The following DNAI3 variants were observed in gnomAD, a reference collection of about 807,000 sequenced individuals.
DNAI3 encodes dynein axonemal intermediate chain 3.
In DNAI3, 83 loss-of-function variants were observed where a neutral mutation model predicts 115.5. That is an observed-to-expected ratio of 0.72 (90% CI 0.60 to 0.86). The LOEUF (loss-of-function observed/expected upper bound fraction) is 0.86, where lower values mean the gene tolerates loss of function less well. Ranked by LOEUF, DNAI3 falls within the 40% of genes least tolerant of loss-of-function variation. DNAI3 has a pLI of 0.00. For missense variants in DNAI3, 1,004 were observed against 1,075.8 expected, an observed-to-expected ratio of 0.93 and a Z score of 0.93; for synonymous variants, 320 against 347.0, an observed-to-expected ratio of 0.92 and a Z score of 0.86.
At chr1:85,069,455 C>T (rs1175617599) in intron 1 of DNAI3, among the ~76,000 whole-genome samples, 2 of 152,156 alleles carry the variant, frequency 1.3e-5, no homozygotes, top group South Asian at 2.1e-4. Flanking sequence ...ATTTTGTTCA[C>T]TGCTGTATCC....
intron 13 of DNAI3, among the ~76,000 whole-genome samples, chr1:85,100,784 T>C (rs1655276905): frequency 6.6e-6 from 1 of 152,234 alleles, no homozygotes; most frequent in African/African-American, 2.4e-5. Context: ...CATGGAATAC[T>C]ATGCAGGCAT....
intron 11 of DNAI3, among the ~76,000 whole-genome samples, 163 bp from the exon 12 acceptor site, chr1:85,097,406 T>C (rs924619728): frequency 6.6e-6 from 1 of 152,234 alleles, no homozygotes; most frequent in Admixed American, 6.5e-5. Context: ...ACATTCTTTT[T>C]ATATTAGCTT....
intron 3 of DNAI3, among the ~76,000 whole-genome samples, chr1:85,078,950 T>A (rs1654545302): frequency 6.6e-6 from 1 of 152,230 alleles, no homozygotes; most frequent in South Asian, 2.1e-4. Context: ...ATTCGAAGTG[T>A]GTGTTTAGTA....
At position 85,085,919 on chromosome 1, in the gene DNAI3, A is replaced by G. The variant is rs1252591975; in HGVS notation, c.629A>G (p.Tyr210Cys). The G allele has an allele frequency of 2.5e-6, 4 of 1,614,208 alleles. No homozygotes were observed. Among genetic ancestry groups the G allele is most frequent in the Non-Finnish European group, 3.4e-6 (4 of 1,180,030 alleles). ...DQNASSVKDA[Y>C]IECTAYPDKN... ...AATGCTTCCAGTGTAAAAGATGCCT[A>G]TATTGAATGTACAGCCTACCCAGAT... The change falls in exon 7 of 23, where the codon TAT becomes TGT. Residue 210 changes from tyrosine (Y) to cysteine (C), a missense_variant. Coordinates refer to ENST00000294664, the MANE Select transcript of DNAI3 (RefSeq NM_145172.5).
At position 85,128,748 on chromosome 1, in the gene DNAI3, A is replaced by C. The variant is rs1314755447; in HGVS notation, c.2358A>C (p.Thr786=). The part of the protein sequence containing the change: ...QFIATADYYG[T]LHILEIPWTL... ...TAGCCACAGCTGATTATTATGGAAC[A>C]CTGCATATATTAGAAATTCCTTGGA... Residue 786 remains threonine, a synonymous_variant, in exon 21 of 23, where the codon ACA becomes ACC. Coordinates refer to ENST00000294664, the MANE Select transcript of DNAI3 (RefSeq NM_145172.5). The C allele has an allele frequency of 6.2e-7, 1 of 1,612,600 alleles. No individual in the cohort carries two copies. Among genetic ancestry groups the C allele is most frequent in the Non-Finnish European group, 8.5e-7 (1 of 1,179,750 alleles).
intron 20 of DNAI3, 75 bp from the exon 21 acceptor site, chr1:85,128,633 A>C (rs1335396686): frequency 7.8e-7 from 1 of 1,275,828 alleles, no homozygotes; most frequent in Non-Finnish European, 1.1e-6. Context: ...AAACAAAAAC[A>C]TACTTCATGT....
intron 7 of DNAI3, among the ~76,000 whole-genome samples, chr1:85,087,020 C>T (rs577451770): frequency 2.6e-5 from 4 of 152,196 alleles, no homozygotes; most frequent in Admixed American, 1.3e-4. Context: ...ATTCACCACG[C>T]ATACTCATAC....
rs200229018 is a variant in DNAI3 at position 85,128,713 on chromosome 1, C to T, written c.2323C>T (p.Gln775Ter). ...YIKPWIFSSKQQFIATADYYG... is the reference protein window; with the variant it reads ...YIKPWIFSSK ...ATTTATTTTAAAATTTTCAGCTAAACAGCAATTTATAGCCACAGCTGATTA... is the reference window on the plus strand; with the variant it reads ...ATTTATTTTAAAATTTTCAGCTAAATAGCAATTTATAGCCACAGCTGATTA... The change falls in exon 21 of 23, where the codon CAG (glutamine) becomes TAG (stop). Residue 775 changes from glutamine to a stop codon, truncating the protein, a stop_gained. Coordinates refer to ENST00000294664, the MANE Select transcript of DNAI3 (RefSeq NM_145172.5). LOFTEE classifies it high-confidence loss of function. 6 of 1,604,520 alleles carry T rather than the reference C, an allele frequency of 3.7e-6. No homozygotes were observed. The African/African-American group carries it at 5.4e-5, about 14-fold the overall frequency.
chr1:85,118,524 ACAGAG>A (rs1408872304), intron 17 of DNAI3, among the ~76,000 whole-genome samples: 1 of 152,174 alleles, frequency 6.6e-6, no homozygotes, highest in African/African-American at 2.4e-5. Context: ...TCCCTGAAAT[ACAGAG>A]TATTTTTCCC....
At chr1:85,075,475 A>G (rs1246037012) in intron 3 of DNAI3, among the ~76,000 whole-genome samples, 1 of 152,158 alleles carries the variant, frequency 6.6e-6, no homozygotes. Flanking sequence ...GTTTTGAGTT[A>G]GCATCCCCTT....
chr1:85,066,466 ACAG>A (rs1654101686), intron 1 of DNAI3, among the ~76,000 whole-genome samples: 1 of 151,704 alleles, frequency 6.6e-6, no homozygotes, highest in Admixed American at 6.6e-5. Flanking sequence ...AGCTGAGACT[ACAG>A]GCGCCTGCCA....
At chr1:85,085,002 A>T (rs1206479752) in intron 6 of DNAI3, among the ~76,000 whole-genome samples, 3 of 152,188 alleles carry the variant, frequency 2.0e-5, no homozygotes, top group Non-Finnish European at 4.4e-5. Context: ...GTAGGTCCCT[A>T]ATCCAATACA....
intron 15 of DNAI3, among the ~76,000 whole-genome samples, chr1:85,109,219 G>T (rs899319699): frequency 2.1e-4 from 32 of 152,110 alleles, no homozygotes; most frequent in Admixed American, 2.0e-3. Flanking sequence ...AAATATAAAT[G>T]GACTTCAAAC....
chr1:85,117,732 A>G lies in DNAI3; in HGVS notation c.1790A>G (p.Lys597Arg), dbSNP rs907378789. 3.1e-6 allele frequency: 5 copies of G among 1,612,942 alleles called. No individual in the cohort carries two copies. The African/African-American group carries it at 6.7e-5, about 22-fold the overall frequency. The change falls in exon 17 of 23, where the codon AAA becomes AGA. Residue 597 changes from lysine to arginine, a missense_variant. By Grantham distance (26) the Lys-to-Arg change is conservative (BLOSUM62 2). Coordinates refer to ENST00000294664, the MANE Select transcript of DNAI3 (RefSeq NM_145172.5). Reference protein sequence around the residue: ...EDHLLCKTQDKMLAQSKTEKA... With the variant: ...EDHLLCKTQDRMLAQSKTEKA... ...TCTACCCACACTCCTCTGAAAGACA[A>G]AATGTTAGCACAGAGCAAAACAGAG...
intron 1 of DNAI3, among the ~76,000 whole-genome samples, chr1:85,068,207 A>G (rs1654156870): frequency 6.6e-6 from 1 of 152,048 alleles, no homozygotes; most frequent in Non-Finnish European, 1.5e-5. Flanking sequence ...CCCCATGCTC[A>G]CAGAGTTTAT....
Position 85,090,135 on chromosome 1 carries a change from A to G in DNAI3, c.760A>G (p.Thr254Ala), listed in dbSNP as rs1429054296. 3 of 1,565,190 alleles carry G rather than the reference A, an allele frequency of 1.9e-6. No homozygotes were observed. The highest frequency in any genetic ancestry group is 1.3e-5 in the South Asian group (1 of 78,396). Reference protein sequence around the residue: ...QTKWTYPKNATTQYYPREFSE... With the variant: ...QTKWTYPKNAATQYYPREFSE... ...TATTAGGACATATCCTAAAAATGCT[A>G]CTACGCAATATTATCCAAGAGAATT... The change falls in exon 8 of 23, where the codon ACT becomes GCT. Residue 254 changes from threonine (T) to alanine (A), a missense_variant. Thr to Ala is a moderately conservative substitution (Grantham distance 58). Around this residue, in one of 3 missense-constraint regions of DNAI3, gnomAD observed 550 missense variants for 568.1 expected, o/e 0.97. Coordinates refer to ENST00000294664, the MANE Select transcript of DNAI3 (RefSeq NM_145172.5).
chr1:85,103,496 G>A (rs971434895), intron 13 of DNAI3, among the ~76,000 whole-genome samples: 3 of 152,010 alleles, frequency 2.0e-5, no homozygotes, highest in African/African-American at 7.3e-5. Flanking sequence ...CTCTATGTTC[G>A]ACTGCACAAT....
chr1:85,090,609 G>C (rs559157702), intron 8 of DNAI3, among the ~76,000 whole-genome samples: 1 of 152,268 alleles, frequency 6.6e-6, no homozygotes, highest in South Asian at 2.1e-4. Flanking sequence ...TTATTATGAT[G>C]ATAAGTATTT....
chr1:85,072,968 A>T, intron 2 of DNAI3, 86 bp from the exon 3 acceptor site: 1 of 836,160 alleles, frequency 1.2e-6, no homozygotes, highest in Admixed American at 3.3e-5. Flanking sequence ...AAAAAAAAAA[A>T]AAAAAAGAAG....
Sources: gnomAD v4.1 joint callset for allele counts (sites outside exome capture counted in the v4.1 genomes callset) on GRCh38, gnomAD v4.1.1 for gene constraint, gnomAD v4.1.1 regional missense constraint, MANE v1.5 for transcripts, NCBI Gene and HGNC (gene_info 2026-07-23, HGNC 2026-07-21) for gene names.